The following RNF185 variants were observed in gnomAD, a reference collection of about 807,000 sequenced individuals.
RNF185 encodes E3 ubiquitin-protein ligase RNF185.
In RNF185, 13 loss-of-function variants were observed where a neutral mutation model predicts 24.9. The observed-to-expected ratio is 0.52, with a 90% CI of 0.34 to 0.83. RNF185 has a LOEUF of 0.83. RNF185 is among the 40% of genes least tolerant of loss of function. The pLI, the probability that RNF185 is intolerant of heterozygous loss-of-function variation, is 0.01. For missense variants in RNF185, 184 were observed against 244.7 expected (o/e 0.75, Z 1.65); for synonymous variants, 79 against 90.3 (o/e 0.88, Z 0.71).
chr22:31,176,052 C>T (rs899385944), intron 1 of RNF185, among the ~76,000 whole-genome samples: 3 of 152,090 alleles, frequency 2.0e-5, no homozygotes, highest in African/African-American at 7.2e-5. Flanking sequence ...TGTGAGCCAC[C>T]ATGCTTGGCC....
At chr22:31,190,328 C>T (rs1440802298) in intron 2 of RNF185, among the ~76,000 whole-genome samples, 4 of 152,022 alleles carry the variant, frequency 2.6e-5, no homozygotes, top group Non-Finnish European at 5.9e-5. Flanking sequence ...ACTCTGTTGC[C>T]CAGGCTGGAG....
At chr22:31,202,646 T>C (rs2048274502) in intron 6 of RNF185, among the ~76,000 whole-genome samples, 1 of 135,210 alleles carries the variant, frequency 7.4e-6, no homozygotes. Flanking sequence ...GGAGTCTCGC[T>C]CTGTCCCCCA....
chr22:31,181,585 T>G (rs1450135941), intron 1 of RNF185, among the ~76,000 whole-genome samples: 1 of 152,084 alleles, frequency 6.6e-6, no homozygotes. Flanking sequence ...CTCACAATAG[T>G]AAAGACTTGG....
intron 1 of RNF185, among the ~76,000 whole-genome samples, chr22:31,166,506 A>G (rs954392072): frequency 2.0e-5 from 3 of 152,158 alleles, no homozygotes; most frequent in Admixed American, 2.0e-4. Context: ...TGAAGAAAAC[A>G]CACACTTTAA....
intron 1 of RNF185, among the ~76,000 whole-genome samples, chr22:31,174,378 AAT>A (rs1026164526): frequency 1.0e-5 from 1 of 97,940 alleles, no homozygotes; most frequent in African/African-American, 4.2e-5. Context: ...CTTTAAAAAA[AAT>A]TTTTTTTTTT....
chr22:31,183,785 T>C (rs2048064054), intron 1 of RNF185, among the ~76,000 whole-genome samples: 1 of 152,246 alleles, frequency 6.6e-6, no homozygotes. Context: ...TCTACTTCTT[T>C]CTACACAGAC....
intron 5 of RNF185, among the ~76,000 whole-genome samples, chr22:31,199,099 CAAAA>C (rs10710631): frequency 1.4e-5 from 2 of 143,548 alleles, no homozygotes; most frequent in Admixed American, 7.0e-5. Context: ...GACTCTGTCT[CAAAA>C]AAAAAAAAAA....
At chr22:31,197,670 C>A (rs1217179202) in intron 5 of RNF185, among the ~76,000 whole-genome samples, 3 of 152,192 alleles carry the variant, frequency 2.0e-5, no homozygotes, top group Non-Finnish European at 4.4e-5. Context: ...ACCTCAGCCT[C>A]CCATGTAGCT....
intron 6 of RNF185, among the ~76,000 whole-genome samples, chr22:31,203,135 T>G (rs1306156436): frequency 6.6e-6 from 1 of 152,192 alleles, no homozygotes; most frequent in Non-Finnish European, 1.5e-5. Context: ...ACAGCCAGGC[T>G]AGACTCTGGA....
rs995115190 is a variant in RNF185 at position 31,198,065 on chromosome 22, G to A, written c.363+1075G>A. Among the ~76,000 whole-genome samples, 34 of 152,198 alleles carry A rather than the reference G, an allele frequency of 2.2e-4. No homozygotes were observed. The East Asian group carries it at 5.6e-3, about 25-fold the overall frequency. On this transcript the variant is annotated intron_variant, in intron 5 of 6. Coordinates refer to ENST00000326132, the MANE Select transcript of RNF185 (RefSeq NM_152267.4). ...AAAAGCAAAATATTTACCCACCATT[G>A]CCAAGAGCCCAGAACAAGTATATTC...
intron 5 of RNF185, among the ~76,000 whole-genome samples, chr22:31,200,704 A>T (rs2048253590): frequency 6.6e-6 from 1 of 152,220 alleles, no homozygotes; most frequent in African/African-American, 2.4e-5. Context: ...TTCAGAGGTA[A>T]AGTGGAGTGG....
intron 2 of RNF185, 109 bp from the exon 3 acceptor site, chr22:31,192,575 C>G: frequency 1.1e-6 from 1 of 905,198 alleles, no homozygotes; most frequent in South Asian, 1.3e-5. Flanking sequence ...TTTTCTCATT[C>G]TGCTACTACC....
At chr22:31,189,452 C>T (rs1602836333) in intron 2 of RNF185, among the ~76,000 whole-genome samples, 1 of 150,652 alleles carries the variant, frequency 6.6e-6, no homozygotes, top group African/African-American at 2.4e-5. Context: ...CCACCACGCC[C>T]GGCTAATTTT....
intron 2 of RNF185, among the ~76,000 whole-genome samples, chr22:31,187,682 C>T (rs549322586): frequency 7.2e-5 from 11 of 152,074 alleles, no homozygotes; most frequent in Non-Finnish European, 1.3e-4. Context: ...TTTACAGGGT[C>T]GTTTGCAAGC....
intron 1 of RNF185, among the ~76,000 whole-genome samples, chr22:31,179,470 A>G (rs2048013486): frequency 6.6e-6 from 1 of 152,212 alleles, no homozygotes; most frequent in Non-Finnish European, 1.5e-5. Context: ...ATATGTTACA[A>G]AGAAAAGTTG....
chr22:31,185,325 C>T (rs2048088527), intron 1 of RNF185, among the ~76,000 whole-genome samples: 1 of 152,220 alleles, frequency 6.6e-6, no homozygotes, highest in Non-Finnish European at 1.5e-5. Flanking sequence ...CTGAGTCCAC[C>T]GTGTGAAGGC....
At chr22:31,196,892 A>C (rs2048210601) in intron 4 of RNF185, 44 bp from the exon 5 acceptor site, 1 of 1,607,894 alleles carries the variant, frequency 6.2e-7, no homozygotes, top group Non-Finnish European at 8.5e-7. Context: ...GGAGCAACTC[A>C]AAGCAATTTG....
chr22:31,197,358 A>G (rs1373218853), intron 5 of RNF185, among the ~76,000 whole-genome samples: 1 of 152,094 alleles, frequency 6.6e-6, no homozygotes, highest in Non-Finnish European at 1.5e-5. Flanking sequence ...GATACTTAGT[A>G]CCTTCTTTGT....
intron 1 of RNF185, among the ~76,000 whole-genome samples, chr22:31,172,832 T>C (rs1380719281): frequency 6.6e-6 from 1 of 151,950 alleles, no homozygotes; most frequent in Non-Finnish European, 1.5e-5. Context: ...TTATTCCCCA[T>C]TTGCAGGTAA....
Sources: gnomAD v4.1 joint callset for allele counts (sites outside exome capture counted in the v4.1 genomes callset) on GRCh38, gnomAD v4.1.1 for gene constraint, MANE v1.5 for transcripts, NCBI Gene and HGNC (gene_info 2026-07-23, HGNC 2026-07-21) for gene names.